The following PER2 variants were observed in gnomAD, a reference collection of about 807,000 sequenced individuals.
PER2 encodes the protein period circadian protein homolog 2.
A neutral mutation model predicts 121.0 loss-of-function variants in PER2; 66 were observed. The ratio of observed to expected loss-of-function variants is 0.55; its 90% confidence interval spans 0.45 to 0.67. The LOEUF (loss-of-function observed/expected upper bound fraction) is 0.67, where lower values mean the gene tolerates loss of function less well. PER2 is among the 30% of genes least tolerant of loss of function. The pLI, the probability that PER2 is intolerant of heterozygous loss-of-function variation, is 0.00. For missense variants in PER2, 1,521 were observed against 1,635.0 expected (o/e 0.93, Z 1.20); for synonymous variants, 684 against 659.9 (o/e 1.04, Z -0.56).
At chr2:238,263,172 C>A (rs528267794) in intron 9 of PER2, 114 bp from the exon 10 acceptor site, 1 of 710,234 alleles carries the variant, frequency 1.4e-6, no homozygotes, top group Non-Finnish European at 2.5e-6. Context: ...CCCACCCCCT[C>A]CCCCACCCCC....
chr2:238,297,740 A>G, the PER2 span, among the ~76,000 whole-genome samples: 1 of 152,244 alleles, frequency 6.6e-6, no homozygotes, highest in African/African-American at 2.4e-5. Flanking sequence ...GGCCACTGCC[A>G]TAGGTGCTGC....
Position 238,244,882 on chromosome 2 carries a change from C to G in PER2, c.*1493G>C, listed in dbSNP as rs1420728142. ...CCAACATGGTGAAACCCTGTCTCTA[C>G]TAAAAATACAAAAAATTAGCTGGGT... is the stretch of plus-strand genomic sequence containing the variant. On this transcript the variant is annotated 3_prime_UTR_variant, in exon 23 of 23. Coordinates refer to ENST00000254657, the MANE Select transcript of PER2 (RefSeq NM_022817.3). The G allele has an allele frequency of 6.6e-6, 1 of 151,780 alleles. No homozygotes were observed. The highest frequency in any genetic ancestry group is 1.5e-5 in the Non-Finnish European group (1 of 67,968). 9.4% of individuals were successfully genotyped at this position (151,780 alleles called of 1,614,324 possible).
intron 9 of PER2, 34 bp from the exon 10 acceptor site, chr2:238,263,092 A>T (rs754284460): frequency 2.4e-5 from 29 of 1,223,780 alleles, no homozygotes; most frequent in Non-Finnish European, 3.4e-5. Context: ...TAGGATTGGC[A>T]TCCAAACAGA....
chr2:238,288,717 C>CCCGCCG (rs564935201), upstream of PER2: 4 of 151,780 alleles, frequency 2.6e-5, no homozygotes, highest in African/African-American at 7.3e-5. Flanking sequence ...CGGCCCCGCG[C>CCCGCCG]CCGCCGCCGC....
chr2:238,244,726 G>T lies in PER2; in HGVS notation c.*1649C>A, dbSNP rs1271638358. ...ATGAAAACCTAGTGGATTACAAAGAGATTTCACCTCCATCAAAAAACAGAA... is the reference window on the plus strand; with the variant it reads ...ATGAAAACCTAGTGGATTACAAAGATATTTCACCTCCATCAAAAAACAGAA... On this transcript the variant is annotated 3_prime_UTR_variant, in exon 23 of 23. Transcript: ENST00000254657. 6.6e-6 allele frequency: 1 copy of T among 152,158 alleles called. No individual in the cohort carries two copies. Among genetic ancestry groups the T allele is most frequent in the Non-Finnish European group, 1.5e-5 (1 of 68,038 alleles). 9.4% of individuals were successfully genotyped at this position (152,158 alleles called of 1,614,324 possible).
At chr2:238,266,632 G>A (rs1483139876) in intron 8 of PER2, among the ~76,000 whole-genome samples, 1 of 152,192 alleles carries the variant, frequency 6.6e-6, no homozygotes, top group Non-Finnish European at 1.5e-5. Context: ...TGAACTCTAA[G>A]TACCCTCTCT....
At chr2:238,270,479 A>C (rs1696250390) in intron 6 of PER2, among the ~76,000 whole-genome samples, 1 of 152,008 alleles carries the variant, frequency 6.6e-6, no homozygotes, top group East Asian at 1.9e-4. Flanking sequence ...TACTCAAAAG[A>C]AATTAGGAAA....
chr2:238,294,089 G>C (rs1274705030), upstream of PER2, among the ~76,000 whole-genome samples: 7 of 152,202 alleles, frequency 4.6e-5, no homozygotes, highest in East Asian at 1.3e-3. Flanking sequence ...TGATACCCGT[G>C]TTCAAGGTGA....
chr2:238,255,644 G>A lies in PER2; in HGVS notation c.2320+13C>T, dbSNP rs74557767. 2.2e-3 allele frequency: 3,471 copies of A among 1,613,958 alleles called. 5 individuals are homozygous for A. Among genetic ancestry groups the A allele is most frequent in the Non-Finnish European group, 2.7e-3 (3,214 of 1,179,806 alleles). On this transcript the variant is annotated intron_variant, in intron 18 of 22. Transcript: ENST00000254657. ...GTTTTTTAAAACGCACTTTTAATTC[G>A]GGTATCACTTACTTCGTTCACTTGG... is the stretch of plus-strand genomic sequence containing the variant.
At chr2:238,295,047 C>G (rs2106341112), upstream of PER2, among the ~76,000 whole-genome samples, 1 of 152,324 alleles carries the variant, frequency 6.6e-6, no homozygotes, top group African/African-American at 2.4e-5. Flanking sequence ...GTGCACCTGC[C>G]TTGCCCTCTG....
At chr2:238,255,485 C>CG in intron 18 of PER2, 172 bp downstream of exon 18, 1 of 722,260 alleles carries the variant, frequency 1.4e-6, no homozygotes, top group Non-Finnish European at 2.4e-6. Context: ...AGCACCCCCC[C>CG]GGTGGGAAGT....
intron 22 of PER2, among the ~76,000 whole-genome samples, chr2:238,246,821 A>C (rs1249853111): frequency 6.6e-6 from 1 of 152,228 alleles, no homozygotes; most frequent in Non-Finnish European, 1.5e-5. Context: ...GCTTGCAGTG[A>C]GCGGAGATCA....
rs1399814991 is a variant in PER2, at chr2:238,262,221, G to T, written c.1277C>A (p.Ser426Tyr). Residue 426 changes from serine (S) to tyrosine (Y), a missense_variant, in exon 11 of 23, where the codon TCC becomes TAC. Physicochemically the swap from Ser to Tyr is moderately radical, Grantham distance 144. Transcript: ENST00000254657. ...SFINPWSRKI[S>Y]FIIGRHKVRV... is the part of the protein sequence containing the mutation. ...GACTTTGTGCCTCCCAATGATGAAG[G>T]AGATTTTCCTGCTCCATGGGTTGAT... 6 of 1,613,910 alleles carry T rather than the reference G, an allele frequency of 3.7e-6. No homozygotes were observed. In the African/African-American group the frequency reaches 8.0e-5, roughly 22 times the overall value.
In PER2 at chr2:238,268,741, C is replaced by T. The variant is rs1479932166; in HGVS notation, c.824+182G>A. Among the ~76,000 whole-genome samples, 1 of 152,202 alleles carries T rather than the reference C, an allele frequency of 6.6e-6. No individual in the cohort carries two copies. Among genetic ancestry groups the T allele is most frequent in the African/African-American group, 2.4e-5 (1 of 41,466 alleles). On this transcript the variant is annotated intron_variant, in intron 7 of 22. Coordinates refer to ENST00000254657, the MANE Select transcript of PER2 (RefSeq NM_022817.3). The surrounding 1 kb of genome is among the most constrained non-coding windows in gnomAD (Gnocchi z 4.0). ...CAGGTTAAAGCACTCCACTGCTGGCCGCATTCTTAGCGACCTGTACACATT... is the reference window on the plus strand; with the variant it reads ...CAGGTTAAAGCACTCCACTGCTGGCTGCATTCTTAGCGACCTGTACACATT...
At chr2:238,279,983 C>T (rs1696581777) in intron 1 of PER2, among the ~76,000 whole-genome samples, 1 of 152,180 alleles carries the variant, frequency 6.6e-6, no homozygotes, top group Non-Finnish European at 1.5e-5. Flanking sequence ...AAGAGCTCTA[C>T]CACCAGGAAG....
chr2:238,258,485 A>G lies in PER2; in HGVS notation c.1775+12T>C. The G allele has an allele frequency of 6.2e-7, 1 of 1,614,064 alleles. No homozygotes were observed. The highest frequency in any genetic ancestry group is 1.1e-5 in the South Asian group (1 of 91,078). On this transcript the variant is annotated intron_variant, in intron 15 of 22. Transcript: ENST00000254657. ...TGAGATGGTGGAGACTCGGCTGGAA[A>G]TGCCGGCATACCTGATGACGCTGTC...
At chr2:238,265,788 T>C (rs1158308890) in intron 8 of PER2, among the ~76,000 whole-genome samples, 198 bp from the exon 9 acceptor site, 5 of 152,230 alleles carry the variant, frequency 3.3e-5, no homozygotes, top group Non-Finnish European at 5.9e-5. Flanking sequence ...CCAGCCTTCT[T>C]AGCTTCTTTA....
At chr2:238,273,654 C>T (rs1696363688) in intron 4 of PER2, among the ~76,000 whole-genome samples, 1 of 152,082 alleles carries the variant, frequency 6.6e-6, no homozygotes, top group African/African-American at 2.4e-5. Flanking sequence ...CGCCACCACA[C>T]CCAGCTAATT....
intron 2 of PER2, 131 bp from the exon 3 acceptor site, chr2:238,277,324 A>T: frequency 1.3e-6 from 1 of 755,648 alleles, no homozygotes; most frequent in Non-Finnish European, 2.4e-6. Context: ...ATACAAGGTT[A>T]AGATAAAACT....
Sources: allele counts gnomAD v4.1 joint callset (sites outside exome capture counted in the v4.1 genomes callset), GRCh38; gene constraint gnomAD v4.1.1; non-coding constraint Gnocchi (gnomAD v3.1); transcripts MANE v1.5; gene names NCBI Gene and HGNC (gene_info 2026-07-23, HGNC 2026-07-21).